TEX15: variants seen among roughly 807,000 people sequenced by gnomAD.
TEX15 encodes testis expressed 15, meiosis and synapsis associated, also known as testis-expressed protein 15.
In TEX15, 171 loss-of-function variants were observed where a neutral mutation model predicts 237.3. The observed-to-expected ratio is 0.72, with a 90% CI of 0.64 to 0.82. The LOEUF (loss-of-function observed/expected upper bound fraction) is 0.82, where lower values mean the gene tolerates loss of function less well. Ranked by LOEUF, TEX15 falls within the 40% of genes least tolerant of loss-of-function variation. The probability of loss-of-function intolerance (pLI) is 0.00; values close to 1 mark genes in which losing one functional copy is unlikely to be tolerated. For synonymous variants in TEX15, 1,338 were observed against 1,269.8 expected (o/e 1.05, Z -1.14); for missense variants, 3,750 against 3,646.5 (o/e 1.03, Z -0.73).
intron 2 of TEX15, among the ~76,000 whole-genome samples, chr8:30,891,460 T>G (rs951671236): frequency 1.3e-5 from 2 of 152,230 alleles, no homozygotes; most frequent in East Asian, 1.9e-4. Flanking sequence ...TGATTGTGGT[T>G]AGTTTGCATT....
At chr8:30,875,690 G>A (rs1210783940) in intron 3 of TEX15, among the ~76,000 whole-genome samples, 2 of 152,100 alleles carry the variant, frequency 1.3e-5, no homozygotes, top group African/African-American at 4.8e-5. Context: ...ATTGACTATT[G>A]TTATTGGTGG....
At chr8:30,881,992 T>C (rs539493909) in intron 3 of TEX15, among the ~76,000 whole-genome samples, 39 of 152,358 alleles carry the variant, frequency 2.6e-4, no homozygotes, top group African/African-American at 7.9e-4. Flanking sequence ...TCTTTTCAAA[T>C]GTAAACATTT....
Position 30,844,516 on chromosome 8 carries a change from C to G in TEX15, c.5651G>C (p.Cys1884Ser), listed in dbSNP as rs1408576839. 1 of 1,612,830 alleles carries G rather than the reference C, an allele frequency of 6.2e-7. No homozygotes were observed. Among genetic ancestry groups the G allele is most frequent in the Non-Finnish European group, 8.5e-7 (1 of 1,179,486 alleles). ...NQKNQISEES[C>S]LNEKIITTNL... ...AGTTGTAATAATTTTCTCATTTAAG[C>G]AGGATTCTTCTGAGATCTGATTCTT... is the stretch of plus-strand genomic sequence containing the variant. Residue 1884 changes from cysteine to serine, a missense_variant, in exon 8 of 11, where the codon TGC (cysteine) becomes TCC (serine). Transcript: ENST00000643185.
intron 2 of TEX15, among the ~76,000 whole-genome samples, chr8:30,891,052 T>C (rs923708175): frequency 2.0e-5 from 3 of 152,234 alleles, no homozygotes; most frequent in African/African-American, 7.2e-5. Context: ...GAAAAACTAA[T>C]TTCTGTATAG....
chr8:30,867,462 C>CA lies in TEX15; in HGVS notation c.342dup (p.Glu115Ter). 12 of 1,534,398 alleles carry CA rather than the reference C, an allele frequency of 7.8e-6. No homozygotes were observed. Among genetic ancestry groups the CA allele is most frequent in the Non-Finnish European group, 1.0e-5 (12 of 1,145,728 alleles). On this transcript the variant is annotated frameshift_variant, in exon 5 of 11. Coordinates refer to ENST00000643185, the MANE Select transcript of TEX15 (RefSeq NM_001350162.2). LOFTEE classifies it high-confidence loss of function. ...AGTGCTAAAAAGCAGAACTGTTCTT[C>CA]AAGTTCCCTGCAATGTCTTCCACTT...
intron 7 of TEX15, 28 bp from the exon 8 acceptor site, chr8:30,849,344 T>C: frequency 7.3e-7 from 1 of 1,378,210 alleles, no homozygotes; most frequent in Non-Finnish European, 9.6e-7. Flanking sequence ...AAGACAAATT[T>C]GAAAAAAAGT....
intron 4 of TEX15, among the ~76,000 whole-genome samples, chr8:30,874,138 C>T (rs1247770945): frequency 6.6e-6 from 1 of 152,154 alleles, no homozygotes; most frequent in Non-Finnish European, 1.5e-5. Flanking sequence ...CAAATTCTGT[C>T]ATTCCCATTA....
At chr8:30,867,606 C>A in intron 4 of TEX15, 104 bp from the exon 5 acceptor site, 1 of 673,838 alleles carries the variant, frequency 1.5e-6, no homozygotes, top group Non-Finnish European at 2.5e-6. Context: ...AGAGAAGTAG[C>A]GATATTCAGA....
chr8:30,836,844 A>G lies in TEX15; in HGVS notation c.9440T>C (p.Leu3147Pro). 6.2e-7 allele frequency: 1 copy of G among 1,612,720 alleles called. No individual in the cohort carries two copies. Among genetic ancestry groups the G allele is most frequent in the Middle Eastern group, 1.7e-4 (1 of 6,046 alleles). Reference sequence around the variant, plus strand: ...TTCTGGAGGCACAAATCGATTAGGAAGGTAAGGGTATGTAGCTTGTGGTAA... The same window carrying G: ...TTCTGGAGGCACAAATCGATTAGGAGGGTAAGGGTATGTAGCTTGTGGTAA... ...QPLPQATYPY[L>P]PNRFVPPEVP... Residue 3147 changes from leucine to proline, a missense_variant, in exon 10 of 11, where the codon CTT (leucine) becomes CCT (proline). By Grantham distance (98) the Leu-to-Pro change is moderately conservative. Coordinates refer to ENST00000643185, the MANE Select transcript of TEX15 (RefSeq NM_001350162.2).
chr8:30,857,066 T>C (rs1378636375), intron 7 of TEX15, among the ~76,000 whole-genome samples: 1 of 152,164 alleles, frequency 6.6e-6, no homozygotes, highest in Non-Finnish European at 1.5e-5. Context: ...TTACAATAAT[T>C]AAGGCAAGAT....
At chr8:30,839,104 C>T (rs968606730) in intron 9 of TEX15, among the ~76,000 whole-genome samples, 3 of 152,076 alleles carry the variant, frequency 2.0e-5, no homozygotes, top group African/African-American at 7.2e-5. Context: ...GCATGAGCCA[C>T]CACACCCAGC....
chr8:30,905,202 G>C (rs1809076134), intron 1 of TEX15, among the ~76,000 whole-genome samples: 1 of 150,312 alleles, frequency 6.7e-6, no homozygotes, highest in Non-Finnish European at 1.5e-5. Context: ...CAATGTCAAA[G>C]TACTGCAACA....
rs76147771 is a variant in TEX15 at position 30,845,222 on chromosome 8, C to G, written c.4945G>C (p.Val1649Leu). The change falls in exon 8 of 11, where the codon GTA becomes CTA. Residue 1649 changes from valine to leucine, a missense_variant. Val to Leu is a conservative substitution (Grantham distance 32, BLOSUM62 1). Coordinates refer to ENST00000643185, the MANE Select transcript of TEX15 (RefSeq NM_001350162.2). ...TTTGAATCTAAGACTGATATAAGTACGTCAGTTTTCGCCTTTGTGTGACCT... is the reference window on the plus strand; with the variant it reads ...TTTGAATCTAAGACTGATATAAGTAGGTCAGTTTTCGCCTTTGTGTGACCT... ...CIGHTKAKTD[V>L]LISVLDSNVK... 1.2e-6 allele frequency: 2 copies of G among 1,613,442 alleles called. No individual in the cohort carries two copies. The highest frequency in any genetic ancestry group is 2.2e-5 in the South Asian group (2 of 91,062).
Position 30,845,035 on chromosome 8 carries a change from G to T in TEX15, c.5132C>A (p.Ala1711Glu). The change falls in exon 8 of 11, where the codon GCA becomes GAA. Residue 1711 changes from alanine to glutamate, a missense_variant. Ala to Glu is a moderately radical substitution (Grantham distance 107, BLOSUM62 -1). Transcript: ENST00000643185. ...LMGPLNLTLIASKKYSIPQLS... is the reference protein window; with the variant it reads ...LMGPLNLTLIESKKYSIPQLS... ...CTGAGGAATACTGTACTTTTTACTT[G>T]CTATCAAAGTTAGGTTTAATGGGCC... 6.2e-7 allele frequency: 1 copy of T among 1,613,542 alleles called. No individual in the cohort carries two copies.
intron 3 of TEX15, among the ~76,000 whole-genome samples, chr8:30,886,493 T>A (rs1399713850): frequency 6.6e-6 from 1 of 152,070 alleles, no homozygotes; most frequent in East Asian, 1.9e-4. Context: ...AAAGCAAGGG[T>A]AGATATCAAC....
At chr8:30,885,787 C>G (rs749777540) in intron 3 of TEX15, among the ~76,000 whole-genome samples, 1 of 152,100 alleles carries the variant, frequency 6.6e-6, no homozygotes, top group African/African-American at 2.4e-5. Context: ...CTGTTGGATA[C>G]GCCCATTTCT....
At position 30,846,193 on chromosome 8, in the gene TEX15, C is replaced by T. The variant is rs1323962609; in HGVS notation, c.3974G>A (p.Gly1325Glu). ...TTGACTGGTTAGCCTCCTCTTTCTC[C>T]CATAAATTTTATGTCGTCTTAAATC... ...HKDLRRHKIYGRKRRLTSQDS... is the reference protein window; with the variant it reads ...HKDLRRHKIYERKRRLTSQDS... The change falls in exon 8 of 11, where the codon GGG (glycine) becomes GAG (glutamate). Residue 1325 changes from glycine (G) to glutamate (E), a missense_variant. Transcript: ENST00000643185. The T allele has an allele frequency of 8.7e-6, 14 of 1,612,992 alleles. No homozygotes were observed. The highest frequency in any genetic ancestry group is 1.1e-5 in the Non-Finnish European group (13 of 1,179,580).
At chr8:30,860,158 C>T (rs998542256) in intron 5 of TEX15, 101 bp from the exon 6 acceptor site, 2 of 1,085,570 alleles carry the variant, frequency 1.8e-6, no homozygotes, top group Admixed American at 6.3e-5. Flanking sequence ...CTTTGTTTTT[C>T]TGAGACAGGG....
At chr8:30,840,260 A>G (rs1188289801) in intron 8 of TEX15, among the ~76,000 whole-genome samples, 1 of 151,378 alleles carries the variant, frequency 6.6e-6, no homozygotes, top group Non-Finnish European at 1.5e-5. Flanking sequence ...CAGTGATGCG[A>G]TATTGGCTCA....
Sources: allele counts gnomAD v4.1 joint callset (sites outside exome capture counted in the v4.1 genomes callset), GRCh38; gene constraint gnomAD v4.1.1; transcripts MANE v1.5; gene names NCBI Gene and HGNC (gene_info 2026-07-23, HGNC 2026-07-21).